The following CRISP2 variants were observed in gnomAD, a reference collection of about 807,000 sequenced individuals.
CRISP2 encodes cysteine rich secretory protein 2.
Under a neutral mutation model 31.7 loss-of-function variants are expected in CRISP2, and 29 were observed. That is an observed-to-expected ratio of 0.92 (90% confidence interval 0.68 to 1.25). CRISP2 has a LOEUF of 1.25. Among genes scored for constraint, CRISP2 ranks in the 50% most tolerant of loss-of-function variants. CRISP2 has a pLI of 0.00. For missense variants in CRISP2, 318 were observed against 286.5 expected, an observed-to-expected ratio of 1.11 and a Z score of -0.79; for synonymous variants, 111 against 101.4, an observed-to-expected ratio of 1.09 and a Z score of -0.57.
chr6:49,699,836 A>T lies in CRISP2; in HGVS notation c.239T>A (p.Leu80Ter). Residue 80 changes from leucine to a stop codon, truncating the protein, a stop_gained, in exon 6 of 10, where the codon TTA becomes TAA. Coordinates refer to ENST00000339139, the MANE Select transcript of CRISP2 (RefSeq NM_003296.4). LOFTEE classifies it high-confidence loss of function. ...NAQRWANKCT[L>*]QHSDPEDRKT... ...GCGGTCCTCTGGATCACTATGTTGT[A>T]AAGTGCACTTGTTTGCCCACCTTTG... The T allele has an allele frequency of 6.2e-7, 1 of 1,612,554 alleles. No homozygotes were observed. Among genetic ancestry groups the T allele is most frequent in the East Asian group, 2.2e-5 (1 of 44,780 alleles).
intron 4 of CRISP2, among the ~76,000 whole-genome samples, chr6:49,703,171 G>A (rs1766398436): frequency 7.0e-6 from 1 of 143,588 alleles, no homozygotes. Context: ...TGTTCCATTG[G>A]TCTATGTGCC....
intron 4 of CRISP2, among the ~76,000 whole-genome samples, chr6:49,705,844 A>C (rs147847993): frequency 6.6e-6 from 1 of 152,100 alleles, no homozygotes; most frequent in African/African-American, 2.4e-5. Flanking sequence ...TTAGAGGCAG[A>C]TTTTCTTCCC....
intron 8 of CRISP2, chr6:49,697,614 A>C: frequency 4.3e-5 from 39 of 901,812 alleles, no homozygotes; most frequent in Non-Finnish European, 6.3e-5. Flanking sequence ...AGCTGAGGGA[A>C]GGCCAATTGA....
chr6:49,691,933 T>A (rs1477765278), downstream of CRISP2, among the ~76,000 whole-genome samples: 1 of 152,058 alleles, frequency 6.6e-6, no homozygotes, highest in Non-Finnish European at 1.5e-5. Context: ...TTTCCACTTT[T>A]AAAAAAAGTT....
At chr6:49,702,150 T>TGTGTACATATATATATATATGTGTAC (rs1419206426) in intron 4 of CRISP2, among the ~76,000 whole-genome samples, 10 of 43,392 alleles carry the variant, frequency 2.3e-4, no homozygotes, top group African/African-American at 1.7e-3. Context: ...TATATATATA[T>TGTGTACATATATATATATATGTGTAC]ATATATATAT....
At chr6:49,695,961 T>A (rs1764669698) in intron 8 of CRISP2, 37 bp from the exon 9 acceptor site, 1 of 1,329,310 alleles carries the variant, frequency 7.5e-7, no homozygotes, top group South Asian at 1.2e-5. Flanking sequence ...TTTTTCACTT[T>A]ACTGTTTATA....
chr6:49,712,946 C>T (rs1243967163), intron 1 of CRISP2, among the ~76,000 whole-genome samples: 1 of 152,090 alleles, frequency 6.6e-6, no homozygotes, highest in African/African-American at 2.4e-5. Context: ...AGATCATTTC[C>T]ATAAGCAGTG....
chr6:49,688,438 TC>T (rs1763952239), downstream of CRISP2, among the ~76,000 whole-genome samples: 1 of 152,226 alleles, frequency 6.6e-6, no homozygotes, highest in African/African-American at 2.4e-5. Context: ...GCTTTTTTTT[TC>T]AATTAGGAAA....
chr6:49,681,565 A>G, the CRISP2 span, among the ~76,000 whole-genome samples: 75 of 152,346 alleles, frequency 4.9e-4, 1 homozygote, highest in East Asian at 6.9e-3. Flanking sequence ...AACAGAATCA[A>G]TTTTGATTTA....
intron 3 of CRISP2, 73 bp from the exon 4 acceptor site, chr6:49,709,278 A>C: frequency 8.0e-7 from 1 of 1,245,714 alleles, no homozygotes. Context: ...GAATACCAAT[A>C]TAATGATCTC....
intron 7 of CRISP2, 101 bp from the exon 8 acceptor site, chr6:49,698,058 A>G: frequency 1.1e-6 from 1 of 884,454 alleles, no homozygotes; most frequent in Non-Finnish European, 1.7e-6. Flanking sequence ...TTAGTTTTAT[A>G]GACATATACC....
At position 49,692,697 on chromosome 6, in the gene CRISP2, C is replaced by A; in HGVS notation, c.*76G>T. 2 of 1,400,508 alleles carry A rather than the reference C, an allele frequency of 1.4e-6. No homozygotes were observed. The highest frequency in any genetic ancestry group is 1.6e-5 in the South Asian group (1 of 64,306). 86.8% of individuals were successfully genotyped at this position (1,400,508 alleles called of 1,614,324 possible). Reference sequence around the variant, plus strand: ...ATCAAATTTGTCACTAACATACATACAATTTCCACTGGTATGTCGCAATTA... The same window carrying A: ...ATCAAATTTGTCACTAACATACATAAAATTTCCACTGGTATGTCGCAATTA... On this transcript the variant is annotated 3_prime_UTR_variant, in exon 10 of 10. Coordinates refer to ENST00000339139, the MANE Select transcript of CRISP2 (RefSeq NM_003296.4).
downstream of CRISP2, among the ~76,000 whole-genome samples, chr6:49,687,768 G>C (rs923435011): frequency 4.6e-5 from 7 of 152,156 alleles, no homozygotes; most frequent in African/African-American, 1.7e-4. Context: ...ATCACACAAC[G>C]TGGGTTTCTC....
chr6:49,712,259 C>G (rs1369269081), intron 2 of CRISP2, among the ~76,000 whole-genome samples: 1 of 152,102 alleles, frequency 6.6e-6, no homozygotes, highest in Non-Finnish European at 1.5e-5. Flanking sequence ...ATCTGATGAG[C>G]CAGAATTCTA....
rs553701746 is a variant in CRISP2 at position 49,693,931 on chromosome 6, G to T, written c.605-1031C>A. 7.9e-5 allele frequency among the ~76,000 whole-genome samples: 12 copies of T among 152,170 alleles called. No individual in the cohort carries two copies. The South Asian group carries it at 2.5e-3, about 32-fold the overall frequency. On this transcript the variant is annotated intron_variant, in intron 9 of 9. Transcript: ENST00000339139. ...ACACATTTCCATCTTTCGAGGGCTG[G>T]TCACTGGTACTTTACTTAGTTCTCT...
chr6:49,688,348 A>G (rs1763949424), downstream of CRISP2, among the ~76,000 whole-genome samples: 1 of 152,140 alleles, frequency 6.6e-6, no homozygotes, highest in East Asian at 1.9e-4. Context: ...TAAGATAAGG[A>G]TGTTTCTTTT....
At chr6:49,695,322 G>A (rs1482451453) in intron 9 of CRISP2, among the ~76,000 whole-genome samples, 1 of 152,030 alleles carries the variant, frequency 6.6e-6, no homozygotes, top group African/African-American at 2.4e-5. Context: ...AAATTATAGG[G>A]CAAGTAATCA....
Position 49,695,700 on chromosome 6 carries a change from T to A in CRISP2, c.604+136A>T, listed in dbSNP as rs1764616987. 4.7e-6 allele frequency: 3 copies of A among 643,170 alleles called. No individual in the cohort carries two copies. The African/African-American group carries it at 5.6e-5, about 12-fold the overall frequency. 39.8% of individuals were successfully genotyped at this position (643,170 alleles called of 1,614,324 possible). Reference sequence around the variant, plus strand: ...GTGTAAAATGTTTGTTTAAGCATACTTTGTTGAATAATTTTGGGTTTTTTC... The same window carrying A: ...GTGTAAAATGTTTGTTTAAGCATACATTGTTGAATAATTTTGGGTTTTTTC... On this transcript the variant is annotated intron_variant, in intron 9 of 9. Coordinates refer to ENST00000339139, the MANE Select transcript of CRISP2 (RefSeq NM_003296.4).
chr6:49,700,837 T>C, intron 4 of CRISP2, 53 bp from the exon 5 acceptor site: 1 of 1,114,558 alleles, frequency 9.0e-7, no homozygotes, highest in East Asian at 2.6e-5. Context: ...AAATTTCATA[T>C]AATAGTGAAT....
Sources: gnomAD v4.1 joint callset for allele counts (sites outside exome capture counted in the v4.1 genomes callset) on GRCh38, gnomAD v4.1.1 for gene constraint, MANE v1.5 for transcripts, NCBI Gene and HGNC (gene_info 2026-07-23, HGNC 2026-07-21) for gene names.